The following BARD1 variants were observed in gnomAD, a reference collection of about 807,000 sequenced individuals.
The protein encoded by BARD1 is BRCA1 associated RING domain 1.
BARD1 carries 73 observed loss-of-function variants against 77.0 expected under a neutral mutation model. That is an observed-to-expected ratio of 0.95 (90% CI 0.79 to 1.15). The LOEUF (loss-of-function observed/expected upper bound fraction) is 1.15, where lower values mean the gene tolerates loss of function less well. BARD1 is among the 50% of genes most tolerant of loss of function. The probability of loss-of-function intolerance (pLI) is 0.00; values close to 1 mark genes in which losing one functional copy is unlikely to be tolerated. For missense variants in BARD1, 993 were observed against 938.8 expected, an observed-to-expected ratio of 1.06 and a Z score of -0.75; for synonymous variants, 384 against 338.0, an observed-to-expected ratio of 1.14 and a Z score of -1.49.
intron 6 of BARD1, among the ~76,000 whole-genome samples, chr2:214,765,854 C>T (rs143373824): frequency 1.9e-3 from 287 of 152,272 alleles, no homozygotes; most frequent in African/African-American, 6.1e-3. Context: ...AGAGATTAGA[C>T]ACATTTACTG....
chr2:214,771,357 A>T (rs955938574), intron 4 of BARD1, among the ~76,000 whole-genome samples: 3 of 151,924 alleles, frequency 2.0e-5, no homozygotes, highest in African/African-American at 7.3e-5. Context: ...TTTTTCTGAA[A>T]TTTTTTTCCT....
chr2:214,726,735 C>T lies in BARD1; in HGVS notation c.*1941G>A, dbSNP rs769128304. ...TACATGTATATCTACACAGAAAGTA[C>T]AATCACAAGTTTCAAGAGCTTAACA... On this transcript the variant is annotated 3_prime_UTR_variant, in exon 11 of 11. Transcript: ENST00000260947. 4.8e-5 allele frequency: 11 copies of T among 227,562 alleles called. No homozygotes were observed. The highest frequency in any genetic ancestry group is 9.6e-5 in the Non-Finnish European group (11 of 114,576). 14.1% of individuals were successfully genotyped at this position (227,562 alleles called of 1,614,324 possible).
chr2:214,744,290 TA>T (rs1692991873), intron 9 of BARD1, among the ~76,000 whole-genome samples: 1 of 152,122 alleles, frequency 6.6e-6, no homozygotes, highest in Admixed American at 6.5e-5. Flanking sequence ...TGACTCCAAC[TA>T]AAGTAGTAAA....
intron 4 of BARD1, among the ~76,000 whole-genome samples, chr2:214,769,633 T>C (rs1400197341): frequency 6.6e-6 from 1 of 151,950 alleles, no homozygotes; most frequent in African/African-American, 2.4e-5. Context: ...CCCAGCTACT[T>C]GGGAGGCTGA....
intron 2 of BARD1, chr2:214,796,713 G>C: frequency 3.6e-6 from 1 of 277,348 alleles, no homozygotes; most frequent in East Asian, 9.1e-5. Flanking sequence ...TATAATAACT[G>C]TAAGACCTAT....
chr2:214,736,938 A>AAGACTAACT (rs1692592413), intron 9 of BARD1, among the ~76,000 whole-genome samples: 1 of 152,176 alleles, frequency 6.6e-6, no homozygotes, highest in African/African-American at 2.4e-5. Context: ...TGTGTCACCT[A>AAGACTAACT]AGACTAACTA....
intron 6 of BARD1, among the ~76,000 whole-genome samples, chr2:214,754,240 T>C (rs546384795): frequency 6.7e-6 from 1 of 150,302 alleles, no homozygotes; most frequent in Non-Finnish European, 1.5e-5. Flanking sequence ...CAACAACATA[T>C]AATGGCCACA....
At chr2:214,782,737 A>T (rs776128477) in intron 3 of BARD1, among the ~76,000 whole-genome samples, 1 of 152,186 alleles carries the variant, frequency 6.6e-6, no homozygotes, top group Non-Finnish European at 1.5e-5. Flanking sequence ...GATGTAAATG[A>T]TGTAAAGGAA....
intron 1 of BARD1, among the ~76,000 whole-genome samples, chr2:214,798,583 C>A (rs1397861012): frequency 6.6e-6 from 1 of 151,966 alleles, no homozygotes; most frequent in Non-Finnish European, 1.5e-5. Flanking sequence ...GAAGTCCATT[C>A]AGTTTCCTAG....
intron 1 of BARD1, among the ~76,000 whole-genome samples, chr2:214,802,946 A>G (rs1396365878): frequency 2.6e-5 from 4 of 152,214 alleles, no homozygotes; most frequent in Admixed American, 2.6e-4. Flanking sequence ...AGAAAGAAGT[A>G]GACATAGGAG....
intron 4 of BARD1, 43 bp downstream of exon 4, chr2:214,780,517 G>A (rs547346616): frequency 1.3e-6 from 2 of 1,554,350 alleles, no homozygotes; most frequent in East Asian, 4.5e-5. Flanking sequence ...TTGCTTTATA[G>A]TTGGCCTCAT....
intron 4 of BARD1, among the ~76,000 whole-genome samples, chr2:214,769,972 T>C (rs1226514274): frequency 6.6e-6 from 1 of 152,214 alleles, no homozygotes; most frequent in African/African-American, 2.4e-5. Context: ...AAATGGCTTC[T>C]GAGTATTGTT....
At chr2:214,799,558 T>G (rs1193806587) in intron 1 of BARD1, among the ~76,000 whole-genome samples, 1 of 152,172 alleles carries the variant, frequency 6.6e-6, no homozygotes, top group Non-Finnish European at 1.5e-5. Flanking sequence ...AGAGGAAAAT[T>G]CGATCTCCTT....
At chr2:214,755,773 T>C (rs1473879918) in intron 6 of BARD1, among the ~76,000 whole-genome samples, 2 of 152,046 alleles carry the variant, frequency 1.3e-5, no homozygotes, top group South Asian at 2.1e-4. Flanking sequence ...AAATCAGATA[T>C]AAAGCAATGA....
At chr2:214,754,717 T>A (rs1693614084) in intron 6 of BARD1, among the ~76,000 whole-genome samples, 1 of 152,148 alleles carries the variant, frequency 6.6e-6, no homozygotes, top group Non-Finnish European at 1.5e-5. Context: ...TTAAAACATG[T>A]GGTTTCTCTG....
chr2:214,765,115 T>A (rs1303342738), intron 6 of BARD1, among the ~76,000 whole-genome samples: 4 of 152,208 alleles, frequency 2.6e-5, no homozygotes, highest in African/African-American at 9.6e-5. Context: ...TTGGTAGCAA[T>A]AGCTAATTTT....
rs71579844 is a variant in BARD1, at chr2:214,796,992, CA to C, written c.215+68del. ...AAACATCAAGTACCATTATTATCAA[CA>C]AGATTACATGATTGTTATCTAGTAA... On this transcript the variant is annotated intron_variant, in intron 2 of 10. Coordinates refer to ENST00000260947, the MANE Select transcript of BARD1 (RefSeq NM_000465.4). The C allele has an allele frequency of 0.057, 69,319 of 1,217,156 alleles. 2,264 individuals carry two copies. The highest frequency in any genetic ancestry group is 0.1 in the Admixed American group (6,162 of 59,404). 75.4% of individuals were successfully genotyped at this position (1,217,156 alleles called of 1,614,324 possible). A position where few individuals can be genotyped will look rare whatever the true frequency, so the allele number is the denominator to read the frequency against.
In BARD1 at chr2:214,727,725, C is replaced by T. The variant is rs1692141161; in HGVS notation, c.*951G>A. The T allele has an allele frequency of 4.4e-6, 1 of 228,612 alleles. No homozygotes were observed. Among genetic ancestry groups the T allele is most frequent in the Admixed American group, 5.7e-5 (1 of 17,584 alleles). 14.2% of individuals were successfully genotyped at this position (228,612 alleles called of 1,614,324 possible). A position where few individuals can be genotyped will look rare whatever the true frequency, so the allele number is the denominator to read the frequency against. The stretch of plus-strand genomic sequence containing the variant: ...ATCAAGTAATCACCAACTTCTGCCT[C>T]CATGCCAACCTAAAAACTTTAAAAA... On this transcript the variant is annotated 3_prime_UTR_variant, in exon 11 of 11. Coordinates refer to ENST00000260947, the MANE Select transcript of BARD1 (RefSeq NM_000465.4).
intron 6 of BARD1, among the ~76,000 whole-genome samples, chr2:214,758,746 A>G (rs1039888120): frequency 1.3e-5 from 2 of 152,202 alleles, no homozygotes; most frequent in African/African-American, 4.8e-5. Flanking sequence ...TTTTGTCCCA[A>G]AGGCCACATT....
Sources: allele counts gnomAD v4.1 joint callset (sites outside exome capture counted in the v4.1 genomes callset), GRCh38; gene constraint gnomAD v4.1.1; transcripts MANE v1.5; gene names NCBI Gene and HGNC (gene_info 2026-07-23, HGNC 2026-07-21).